The following FTO variants were observed in gnomAD, a reference collection of about 807,000 sequenced individuals.
FTO encodes alpha-ketoglutarate-dependent dioxygenase FTO.
FTO carries 47 observed loss-of-function variants against 63.9 expected under a neutral mutation model. The observed-to-expected ratio is 0.74, with a 90% CI of 0.58 to 0.94. The LOEUF (loss-of-function observed/expected upper bound fraction) is 0.94, where lower values mean the gene tolerates loss of function less well. FTO is among the 40% of genes least tolerant of loss of function. FTO has a pLI of 0.00. For missense variants in FTO, 562 were observed against 618.1 expected (o/e 0.91, Z 0.96); for synonymous variants, 207 against 224.4 (o/e 0.92, Z 0.69).
At chr16:54,071,749 C>T (rs1056577214) in intron 8 of FTO, 11 of 152,070 alleles carry the variant, frequency 7.2e-5, no homozygotes, top group African/African-American at 1.7e-4. Flanking sequence ...TAAACCAGTA[C>T]CTAGTGCAGG....
At chr16:54,023,735 CACTTTATTGT>C (rs555416700) in intron 8 of FTO, among the ~76,000 whole-genome samples, 52 of 152,282 alleles carry the variant, frequency 3.4e-4, no homozygotes, top group African/African-American at 1.2e-3. Flanking sequence ...AACATGTTTC[CACTTTATTGT>C]TCCCCCTTTT....
intron 1 of FTO, among the ~76,000 whole-genome samples, chr16:53,775,473 C>T (rs746725549): frequency 1.2e-4 from 18 of 152,192 alleles, no homozygotes; most frequent in South Asian, 2.1e-4. Flanking sequence ...TTTCTTTCAC[C>T]GTAACCATAT....
At chr16:53,920,043 T>C (rs561147197) in intron 7 of FTO, among the ~76,000 whole-genome samples, 1 of 152,202 alleles carries the variant, frequency 6.6e-6, no homozygotes. Context: ...AAGGCTTCAT[T>C]TTTATGACTC....
At chr16:54,100,747 G>C (rs746034477) in intron 8 of FTO, among the ~76,000 whole-genome samples, 1 of 152,180 alleles carries the variant, frequency 6.6e-6, no homozygotes, top group Non-Finnish European at 1.5e-5. Context: ...GAGGTACAAT[G>C]TCTTTATAAT....
intron 5 of FTO, among the ~76,000 whole-genome samples, chr16:53,874,745 T>C (rs10521304): frequency 0.38 from 58,357 of 152,010 alleles, 12,804 homozygotes; most frequent in East Asian, 0.72. Flanking sequence ...AACGATCATA[T>C]TGCTGTGTGG....
At chr16:53,904,275 T>C (rs2081480632) in intron 7 of FTO, among the ~76,000 whole-genome samples, 1 of 152,142 alleles carries the variant, frequency 6.6e-6, no homozygotes, top group African/African-American at 2.4e-5. Flanking sequence ...AAGGCTCAGA[T>C]GTATGAAAAG....
chr16:54,050,305 A>C (rs1252359701), intron 8 of FTO, among the ~76,000 whole-genome samples: 1 of 152,248 alleles, frequency 6.6e-6, no homozygotes, highest in Non-Finnish European at 1.5e-5. Context: ...CTCCCAGAGC[A>C]GTGCATGTTG....
chr16:53,816,160 A>C (rs2078682509), intron 2 of FTO, among the ~76,000 whole-genome samples: 1 of 152,064 alleles, frequency 6.6e-6, no homozygotes, highest in Non-Finnish European at 1.5e-5. Context: ...TTACTTAAAC[A>C]CTACATGTTC....
intron 1 of FTO, among the ~76,000 whole-genome samples, chr16:53,714,983 C>G (rs551650998): frequency 6.6e-6 from 1 of 152,298 alleles, no homozygotes; most frequent in South Asian, 2.1e-4. Context: ...GGGCAATTTT[C>G]TCTTCATATG....
chr16:53,880,186 G>A (rs966722953), intron 6 of FTO, among the ~76,000 whole-genome samples, 199 bp downstream of exon 6: 2 of 151,968 alleles, frequency 1.3e-5, no homozygotes, highest in South Asian at 4.2e-4. Flanking sequence ...TAGTAGAGAC[G>A]AGGTTTCACC....
At chr16:54,049,404 T>C (rs1455787515) in intron 8 of FTO, among the ~76,000 whole-genome samples, 1 of 152,176 alleles carries the variant, frequency 6.6e-6, no homozygotes, top group Non-Finnish European at 1.5e-5. Flanking sequence ...TTTATGGGCA[T>C]GTGTGTGTGG....
chr16:53,766,338 A>C (rs901144346), intron 1 of FTO, among the ~76,000 whole-genome samples: 1 of 151,892 alleles, frequency 6.6e-6, no homozygotes, highest in South Asian at 2.1e-4. Flanking sequence ...CGATCCTCTC[A>C]CCTTAGTCTC....
intron 7 of FTO, among the ~76,000 whole-genome samples, chr16:53,925,059 CT>C (rs1323038583): frequency 8.8e-5 from 11 of 125,194 alleles, no homozygotes; most frequent in Admixed American, 7.4e-4. Flanking sequence ...TTCTTTCTTT[CT>C]TTTTTTTGTA....
At chr16:53,986,040 G>C (rs1030345615) in intron 8 of FTO, among the ~76,000 whole-genome samples, 2 of 152,136 alleles carry the variant, frequency 1.3e-5, no homozygotes, top group Non-Finnish European at 2.9e-5. Flanking sequence ...TGAAAAACTG[G>C]CTGGTCTAGT....
At chr16:53,738,563 A>T (rs2076446303) in intron 1 of FTO, among the ~76,000 whole-genome samples, 1 of 152,020 alleles carries the variant, frequency 6.6e-6, no homozygotes, top group South Asian at 2.1e-4. Flanking sequence ...ATTTGTAAGG[A>T]GGTTTTTGTG....
intron 8 of FTO, among the ~76,000 whole-genome samples, chr16:54,053,187 A>T (rs2144342017): frequency 1.3e-5 from 2 of 152,300 alleles, no homozygotes; most frequent in Middle Eastern, 6.8e-3. Context: ...GAAATTGCCA[A>T]AGAGTCAGAA....
chr16:53,778,261 A>G (rs556259642), intron 1 of FTO, among the ~76,000 whole-genome samples: 2 of 152,330 alleles, frequency 1.3e-5, no homozygotes, highest in African/African-American at 4.8e-5. Flanking sequence ...GGTAGATTTT[A>G]AATGCTTTCA....
At chr16:53,706,563 A>G (rs2075626372) in intron 1 of FTO, among the ~76,000 whole-genome samples, 1 of 152,008 alleles carries the variant, frequency 6.6e-6, no homozygotes, top group African/African-American at 2.4e-5. Context: ...ATTCAGCGTA[A>G]TGATTTTTTT....
chr16:53,963,093 G>T (rs1599099936), intron 8 of FTO, among the ~76,000 whole-genome samples: 1 of 152,112 alleles, frequency 6.6e-6, no homozygotes. Context: ...ATAGTCACAG[G>T]CAAACATTAA....
Sources: allele counts gnomAD v4.1 joint callset (sites outside exome capture counted in the v4.1 genomes callset), GRCh38; gene constraint gnomAD v4.1.1; transcripts MANE v1.5; gene names NCBI Gene and HGNC (gene_info 2026-07-23, HGNC 2026-07-21).